Variants in WASHC2A observed in about 807,000 individuals in gnomAD.
WASHC2A encodes the protein WASH complex subunit 2A, also known as WASH complex subunit FAM21A.
In WASHC2A, 82 loss-of-function variants were observed where a neutral mutation model predicts 140.3. The ratio of observed to expected loss-of-function variants is 0.58; its 90% CI spans 0.49 to 0.70. The LOEUF (loss-of-function observed/expected upper bound fraction) is 0.70, where lower values mean the gene tolerates loss of function less well. WASHC2A is among the 30% of genes least tolerant of loss of function. The pLI is 0.00. For synonymous variants in WASHC2A, 340 were observed against 560.8 expected (o/e 0.61, Z 5.56); for missense variants, 985 against 1,521.8 (o/e 0.65, Z 5.87).
Position 50,127,582 on chromosome 10 carries a change from G to A in WASHC2A, c.2875-1G>A, listed in dbSNP as rs1843547763. The A allele has an allele frequency of 6.2e-7, 1 of 1,605,250 alleles. No homozygotes were observed. Among genetic ancestry groups the A allele is most frequent in the African/African-American group, 1.3e-5 (1 of 74,502 alleles). ...TACAGAGTTTCATTTTTCTTCTTTAGGCAAATTTAGCGATCAACCCAGCGG... is the reference window on the plus strand; with the variant it reads ...TACAGAGTTTCATTTTTCTTCTTTAAGCAAATTTAGCGATCAACCCAGCGG... On this transcript the variant is annotated splice_acceptor_variant, in intron 27 of 30. Transcript: ENST00000282633. LOFTEE classifies it high-confidence loss of function.
chr10:50,110,866 C>T (rs2132876473), intron 20 of WASHC2A, among the ~76,000 whole-genome samples: 1 of 134,178 alleles, frequency 7.5e-6, no homozygotes, highest in South Asian at 2.4e-4. Flanking sequence ...GCACTCCAGC[C>T]TGGGCAACGG....
At chr10:50,099,220 T>C (rs1554885708) in intron 16 of WASHC2A, among the ~76,000 whole-genome samples, 2 of 152,094 alleles carry the variant, frequency 1.3e-5, no homozygotes, top group East Asian at 3.8e-4. Flanking sequence ...TTTGGGATCA[T>C]GTATTCATTC....
chr10:50,081,940 C>G (rs1554879844), intron 5 of WASHC2A, among the ~76,000 whole-genome samples: 1 of 152,102 alleles, frequency 6.6e-6, no homozygotes, highest in Non-Finnish European at 1.5e-5. Flanking sequence ...GCCTGAACCA[C>G]TCTTCTAGTC....
chr10:50,119,873 C>T, intron 23 of WASHC2A, 104 bp downstream of exon 23: 2 of 718,418 alleles, frequency 2.8e-6, no homozygotes, highest in Non-Finnish European at 2.3e-6. Context: ...TCTTAACCTT[C>T]AATGTAGTGT....
chr10:50,109,980 A>C lies in WASHC2A; in HGVS notation c.1870-121A>C, dbSNP rs574925310. Reference sequence around the variant, plus strand: ...AGAGACGGGGTTTCACCATGTTAGCAAGGATGGTCTTGATCTGCTGATCTC... The same window carrying C: ...AGAGACGGGGTTTCACCATGTTAGCCAGGATGGTCTTGATCTGCTGATCTC... On this transcript the variant is annotated intron_variant, in intron 19 of 30. Transcript: ENST00000282633. 1.4e-3 allele frequency: 1,556 copies of C among 1,148,880 alleles called. 38 individuals are homozygous for C. Among genetic ancestry groups the C allele is most frequent in the East Asian group, 4.8e-3 (192 of 39,796 alleles). The allele number at this position is 1,148,880 out of a possible 1,614,324, so 71.2% of individuals were successfully genotyped here. A position where few individuals can be genotyped will look rare whatever the true frequency, so the allele number is the denominator to read the frequency against.
intron 30 of WASHC2A, 88 bp from the exon 31 acceptor site, chr10:50,132,718 T>G: frequency 1.2e-6 from 2 of 1,611,336 alleles, no homozygotes; most frequent in Non-Finnish European, 1.7e-6. Context: ...TTACCAGAGC[T>G]GGGTCTTTGG....
chr10:50,078,796 C>T (rs1838618033), intron 4 of WASHC2A, 59 bp downstream of exon 4: 13 of 1,610,986 alleles, frequency 8.1e-6, no homozygotes, highest in South Asian at 4.4e-5. Context: ...TGGTGGAGAT[C>T]GATGTGTTAT....
rs1169609742 is a variant in WASHC2A at position 50,110,247 on chromosome 10, T to A, written c.2016T>A (p.Asp672Glu). ...TCTTTGAGGAAGACGAAGAAGATGA[T>A]CTTTTTGCCATTGCCAAGGACAGGT... ...TSLFEEDEED[D>E]LFAIAKDSQK... The change falls in exon 20 of 31, where the codon GAT becomes GAA. Residue 672 changes from aspartate to glutamate, a missense_variant. Asp to Glu is a conservative substitution (Grantham distance 45). Transcript: ENST00000282633. 1.1e-5 allele frequency: 17 copies of A among 1,611,712 alleles called. No individual in the cohort carries two copies. Among genetic ancestry groups the A allele is most frequent in the Non-Finnish European group, 1.4e-5 (16 of 1,179,826 alleles).
At chr10:50,079,286 A>G (rs1261792698) in intron 4 of WASHC2A, among the ~76,000 whole-genome samples, 1 of 152,168 alleles carries the variant, frequency 6.6e-6, no homozygotes, top group East Asian at 1.9e-4. Flanking sequence ...AGCAATTATT[A>G]CTTGTAACAG....
intron 17 of WASHC2A, among the ~76,000 whole-genome samples, chr10:50,102,870 T>G (rs1395777937): frequency 6.6e-6 from 1 of 150,804 alleles, no homozygotes; most frequent in African/African-American, 2.5e-5. Flanking sequence ...ATTTTTATAT[T>G]TTTTAGCTAT....
intron 25 of WASHC2A, 63 bp downstream of exon 25, chr10:50,125,512 G>C: frequency 4.3e-6 from 7 of 1,611,016 alleles, no homozygotes; most frequent in Non-Finnish European, 5.9e-6. Flanking sequence ...GGAAACTAAC[G>C]TCCAGTTAGA....
intron 20 of WASHC2A, 82 bp downstream of exon 20, chr10:50,110,352 G>A (rs1473639522): frequency 3.5e-5 from 55 of 1,578,830 alleles, no homozygotes; most frequent in African/African-American, 1.3e-4. Flanking sequence ...CTAGTTCATC[G>A]GGTGATTGCT....
intron 17 of WASHC2A, among the ~76,000 whole-genome samples, chr10:50,100,282 G>A (rs1840987550): frequency 6.6e-6 from 1 of 151,990 alleles, no homozygotes; most frequent in Non-Finnish European, 1.5e-5. Context: ...AGGAGTTGGA[G>A]ACCAGGCTGG....
chr10:50,078,553 C>CGTG (rs1554878819), intron 3 of WASHC2A, 122 bp from the exon 4 acceptor site: 18 of 1,603,762 alleles, frequency 1.1e-5, no homozygotes, highest in African/African-American at 2.7e-5. Flanking sequence ...TGGTCTCAGC[C>CGTG]CTTTGCTGAA....
chr10:50,082,287 G>C (rs1838973265), intron 5 of WASHC2A, among the ~76,000 whole-genome samples: 1 of 150,586 alleles, frequency 6.6e-6, no homozygotes, highest in African/African-American at 2.4e-5. Flanking sequence ...CTGTGACGTC[G>C]TTGAACCTTT....
chr10:50,083,464 CT>C lies in WASHC2A; in HGVS notation c.529-604del, dbSNP rs1839089342. Among the ~76,000 whole-genome samples, 2 of 110,920 alleles carry C rather than the reference CT, an allele frequency of 1.8e-5. 1 individual carries two copies. Among genetic ancestry groups the C allele is most frequent in the African/African-American group, 7.7e-5 (2 of 26,026 alleles). The allele number at this position is 110,920 out of a possible 152,430, so 72.8% of individuals were successfully genotyped here. A position where few individuals can be genotyped will look rare whatever the true frequency, so the allele number is the denominator to read the frequency against. ...TCCCTGTTTGCTTGCTGCTGATAGACTTTTGGTAGGCTTTTGCCATTTTTGT... is the reference window on the plus strand; with the variant it reads ...TCCCTGTTTGCTTGCTGCTGATAGACTTTGGTAGGCTTTTGCCATTTTTGT... On this transcript the variant is annotated intron_variant, in intron 5 of 30. Transcript: ENST00000282633.
intron 26 of WASHC2A, 145 bp downstream of exon 26, chr10:50,126,324 C>T (rs1843424391): frequency 2.1e-6 from 3 of 1,432,786 alleles, no homozygotes; most frequent in East Asian, 2.3e-5. Context: ...TCACTGCACT[C>T]CCCCCAAGTC....
intron 3 of WASHC2A, 29 bp downstream of exon 3, chr10:50,069,740 T>C (rs782100403): frequency 1.9e-6 from 3 of 1,595,360 alleles, no homozygotes; most frequent in Non-Finnish European, 2.6e-6. Flanking sequence ...TTATCATTCC[T>C]TTTTTGGGAG....
rs1361021602 is a variant in WASHC2A at position 50,119,557 on chromosome 10, AT to A, written c.2296-24del. On this transcript the variant is annotated intron_variant, in intron 22 of 30. Transcript: ENST00000282633. ...GGATTTGTATTTCCAGGTGTTACTT[AT>A]TTTTTCCCCCTATTATTTTCATTTT... 1.3e-5 allele frequency: 13 copies of A among 1,006,640 alleles called. 1 individual carries two copies. Among genetic ancestry groups the A allele is most frequent in the South Asian group, 9.7e-5 (6 of 61,628 alleles). 62.4% of individuals were successfully genotyped at this position (1,006,640 alleles called of 1,614,324 possible). A position where few individuals can be genotyped will look rare whatever the true frequency, so the allele number is the denominator to read the frequency against.
Sources: gnomAD v4.1 joint callset for allele counts (sites outside exome capture counted in the v4.1 genomes callset) on GRCh38, gnomAD v4.1.1 for gene constraint, MANE v1.5 for transcripts, NCBI Gene and HGNC (gene_info 2026-07-23, HGNC 2026-07-21) for gene names.